Variants in ASAP2 observed in about 807,000 individuals in gnomAD.
ASAP2 encodes the protein arf-GAP with SH3 domain, ANK repeat and PH domain-containing protein 2.
Under a neutral mutation model 131.4 loss-of-function variants are expected in ASAP2, and 45 were observed. The observed-to-expected ratio is 0.34, with a 90% CI of 0.27 to 0.44. The LOEUF is 0.44. Ranked by LOEUF, ASAP2 falls within the 20% of genes least tolerant of loss-of-function variation. The pLI is 1.00. For synonymous variants in ASAP2, 510 were observed against 503.0 expected (o/e 1.01, Z -0.19); for missense variants, 1,011 against 1,297.0 (o/e 0.78, Z 3.39).
intron 1 of ASAP2, among the ~76,000 whole-genome samples, chr2:9,274,592 G>A (rs1666627146): frequency 6.6e-6 from 1 of 151,964 alleles, no homozygotes; most frequent in Admixed American, 6.6e-5. Context: ...CAAAGTGCTG[G>A]GATTACAGGC....
intron 2 of ASAP2, among the ~76,000 whole-genome samples, 156 bp downstream of exon 2, chr2:9,279,545 G>GA (rs749746620): frequency 6.6e-6 from 1 of 152,212 alleles, no homozygotes; most frequent in Non-Finnish European, 1.5e-5. Flanking sequence ...TTCTTTTTCA[G>GA]AAGTATGTTT....
Position 9,323,101 on chromosome 2 carries a change from A to G in ASAP2, c.471-20A>G. On this transcript the variant is annotated intron_variant, in intron 5 of 27. Coordinates refer to ENST00000281419, the MANE Select transcript of ASAP2 (RefSeq NM_003887.3). ...TCTGTGCCAACAGGCATCTTGATGT[A>G]TCCTTGCTTTCACACGTAGAACCAA... 6.2e-7 allele frequency: 1 copy of G among 1,613,958 alleles called. No homozygotes were observed.
At position 9,335,073 on chromosome 2, in the gene ASAP2, G is replaced by C; in HGVS notation, c.763-20G>C. 1 of 1,509,912 alleles carries C rather than the reference G, an allele frequency of 6.6e-7. No individual in the cohort carries two copies. The highest frequency in any genetic ancestry group is 9.1e-7 in the Non-Finnish European group (1 of 1,093,566). The allele number at this position is 1,509,912 out of a possible 1,614,324, so 93.5% of individuals were successfully genotyped here. ...TCTTAATTTTCTGATTGGTTCTGTT[G>C]TGTGTGTGTGTTTTTAAAGATCAAA... On this transcript the variant is annotated intron_variant, in intron 8 of 27. Transcript: ENST00000281419.
chr2:9,395,594 C>CTTTTTTTTTTTTTTTTTTTTTTTTTTTTT, intron 24 of ASAP2, among the ~76,000 whole-genome samples: 2 of 59,048 alleles, frequency 3.4e-5, no homozygotes, highest in Non-Finnish European at 7.3e-5. Flanking sequence ...TGTTTTTTTT[C>CTTTTTTTTTTTTTTTTTTTTTTTTTTTTT]TTTTTTTTTT....
chr2:9,207,082 G>T lies in ASAP2; in HGVS notation c.-23G>T. The stretch of plus-strand genomic sequence containing the variant: ...GGCGGCGGCGCCCCTGCGGCTGTGC[G>T]CCAGCGCCCTCGCGCCGAGGCGATG... On this transcript the variant is annotated 5_prime_UTR_variant, in exon 1 of 28. Coordinates refer to ENST00000281419, the MANE Select transcript of ASAP2 (RefSeq NM_003887.3). The surrounding 1 kb of genome is among the most constrained non-coding windows in gnomAD (Gnocchi z 4.1). 1 of 1,546,044 alleles carries T rather than the reference G, an allele frequency of 6.5e-7. No individual in the cohort carries two copies.
chr2:9,323,112 C>G lies in ASAP2; in HGVS notation c.471-9C>G. ...AGGCATCTTGATGTATCCTTGCTTT[C>G]ACACGTAGAACCAAGATAGAAAAGG... On this transcript the variant is annotated splice_polypyrimidine_tract_variant and intron_variant, in intron 5 of 27. Coordinates refer to ENST00000281419, the MANE Select transcript of ASAP2 (RefSeq NM_003887.3). The G allele has an allele frequency of 6.2e-7, 1 of 1,614,084 alleles. No homozygotes were observed. The highest frequency in any genetic ancestry group is 8.5e-7 in the Non-Finnish European group (1 of 1,179,998).
intron 1 of ASAP2, among the ~76,000 whole-genome samples, chr2:9,257,543 A>G (rs756088767): frequency 3.3e-5 from 5 of 152,164 alleles, no homozygotes; most frequent in Non-Finnish European, 7.4e-5. Flanking sequence ...TTTTGAGACA[A>G]GGTTTCTCTC....
intron 1 of ASAP2, among the ~76,000 whole-genome samples, chr2:9,218,578 A>G (rs1341899585): frequency 6.6e-6 from 1 of 152,220 alleles, no homozygotes; most frequent in Non-Finnish European, 1.5e-5. Context: ...TTTGAAAGGA[A>G]GGGAGAATGT....
chr2:9,265,283 G>A (rs903886984), intron 1 of ASAP2, among the ~76,000 whole-genome samples: 21 of 152,224 alleles, frequency 1.4e-4, no homozygotes, highest in Admixed American at 1.2e-3. Flanking sequence ...ATGCAAATAT[G>A]ACAACATTCT....
rs1047325581 is a variant in ASAP2, at chr2:9,268,532, A to G, written c.127-10785A>G. 1.1e-4 allele frequency among the ~76,000 whole-genome samples: 17 copies of G among 152,164 alleles called. No individual in the cohort carries two copies. The highest frequency in any genetic ancestry group is 2.4e-4 in the Non-Finnish European group (16 of 68,022). On this transcript the variant is annotated intron_variant, in intron 1 of 27. Coordinates refer to ENST00000281419, the MANE Select transcript of ASAP2 (RefSeq NM_003887.3). The surrounding 1 kb of genome is among the most constrained non-coding windows in gnomAD (Gnocchi z 4.1). ...TGGCTTTAAACGGAGCCCACAGGTC[A>G]CAGTGCAAGTCTACGCTTCCCAAAA...
chr2:9,358,330 A>T (rs142286914), intron 14 of ASAP2, among the ~76,000 whole-genome samples: 242 of 152,326 alleles, frequency 1.6e-3, no homozygotes, highest in African/African-American at 5.5e-3. Context: ...GCATCTGTAG[A>T]TGCATATGTT....
At chr2:9,218,797 T>A (rs537923538) in intron 1 of ASAP2, among the ~76,000 whole-genome samples, 1 of 152,238 alleles carries the variant, frequency 6.6e-6, no homozygotes, top group South Asian at 2.1e-4. Flanking sequence ...TTGCTTTTTT[T>A]GGCTGTCGTC....
At chr2:9,323,381 T>C in intron 6 of ASAP2, 131 bp downstream of exon 6, 1 of 1,351,072 alleles carries the variant, frequency 7.4e-7, no homozygotes, top group Non-Finnish European at 1.0e-6. Flanking sequence ...CCTTTGCCCC[T>C]GTGTTGACAT....
At chr2:9,271,719 G>T in intron 1 of ASAP2, 2 of 456,882 alleles carry the variant, frequency 4.4e-6, no homozygotes, top group East Asian at 6.7e-5. Context: ...GGCCCAAGGG[G>T]GAGGCTGCTG....
chr2:9,376,844 G>A (rs1266321236), intron 17 of ASAP2, 64 bp from the exon 18 acceptor site: 14 of 1,395,292 alleles, frequency 1.0e-5, no homozygotes, highest in South Asian at 4.7e-5. Context: ...CGATTTCACC[G>A]GTGTTGGACA....
intron 3 of ASAP2, among the ~76,000 whole-genome samples, chr2:9,313,957 A>G (rs1356844995): frequency 6.6e-6 from 1 of 152,114 alleles, no homozygotes; most frequent in East Asian, 1.9e-4. Flanking sequence ...AAGGGCAGGC[A>G]TCGTGTTTCA....
rs926272400 is a variant in ASAP2, at chr2:9,389,954, G to C, written c.2384-1108G>C. On this transcript the variant is annotated intron_variant, in intron 22 of 27. Coordinates refer to ENST00000281419, the MANE Select transcript of ASAP2 (RefSeq NM_003887.3). The surrounding 1 kb of genome is among the most constrained non-coding windows in gnomAD (Gnocchi z 4.7). ...CTGCAGGCAGGCATCAATTTTCTAC[G>C]GCCCACAATCAAGATGATTTTGATC... Among the ~76,000 whole-genome samples, 9 of 152,074 alleles carry C rather than the reference G, an allele frequency of 5.9e-5. No homozygotes were observed. Among genetic ancestry groups the C allele is most frequent in the Non-Finnish European group, 1.5e-5 (1 of 68,012 alleles).
intron 3 of ASAP2, among the ~76,000 whole-genome samples, chr2:9,301,660 A>C (rs187688906): frequency 2.0e-4 from 31 of 152,298 alleles, no homozygotes; most frequent in Admixed American, 1.9e-3. Context: ...CCCGCTCCAC[A>C]TGAAGATCAG....
At position 9,400,031 on chromosome 2, in the gene ASAP2, A is replaced by G. The variant is rs751362123; in HGVS notation, c.2693A>G (p.Lys898Arg). The G allele has an allele frequency of 1.2e-6, 2 of 1,613,332 alleles. No individual in the cohort carries two copies. Among genetic ancestry groups the G allele is most frequent in the South Asian group, 2.2e-5 (2 of 91,072 alleles). ...PQKKPAPGAD[K>R]STPLTNKGQP... is the part of the protein sequence containing the mutation. ...TTTCCCTGTCTTTGTAGGGCTGACA[A>G]GTCCACCCCACTGACCAACAAAGGC... Residue 898 changes from lysine (K) to arginine (R), a missense_variant, in exon 25 of 28, where the codon AAG (lysine) becomes AGG (arginine). Physicochemically the swap from Lys to Arg is conservative, Grantham distance 26 (BLOSUM62 2). Transcript: ENST00000281419.
Sources: gnomAD v4.1 joint callset for allele counts (sites outside exome capture counted in the v4.1 genomes callset) on GRCh38, gnomAD v4.1.1 for gene constraint, Gnocchi (gnomAD v3.1) non-coding constraint, MANE v1.5 for transcripts, NCBI Gene and HGNC (gene_info 2026-07-23, HGNC 2026-07-21) for gene names.